Variants in CPED1 observed in about 807,000 individuals in gnomAD.
CPED1 encodes cadherin-like and PC-esterase domain-containing protein 1.
A neutral mutation model predicts 128.2 loss-of-function variants in CPED1; 114 were observed. The ratio of observed to expected loss-of-function variants is 0.89; its 90% CI spans 0.76 to 1.04. CPED1 has a LOEUF of 1.04. Ranked by LOEUF, CPED1 falls within the 50% of genes least tolerant of loss-of-function variation. The probability of loss-of-function intolerance (pLI) is 0.00; values close to 1 mark genes in which losing one functional copy is unlikely to be tolerated. For missense variants in CPED1, 1,211 were observed against 1,207.1 expected (o/e 1.00, Z -0.05); for synonymous variants, 462 against 426.7 (o/e 1.08, Z -1.02).
chr7:121,249,853 C>T (rs963833410), intron 18 of CPED1, among the ~76,000 whole-genome samples: 18 of 152,158 alleles, frequency 1.2e-4, no homozygotes, highest in Non-Finnish European at 2.1e-4. Flanking sequence ...GAGACTTAGA[C>T]TCCCACACAA....
At chr7:120,991,803 C>G (rs975533506) in intron 2 of CPED1, among the ~76,000 whole-genome samples, 5 of 152,158 alleles carry the variant, frequency 3.3e-5, no homozygotes, top group African/African-American at 1.2e-4. Flanking sequence ...AAATGATTCA[C>G]AGTCTTAAGT....
chr7:121,112,931 T>C (rs1181795427), intron 7 of CPED1, among the ~76,000 whole-genome samples: 1 of 152,146 alleles, frequency 6.6e-6, no homozygotes, highest in Non-Finnish European at 1.5e-5. Context: ...AATATTTAAA[T>C]TGGGGGCAAG....
chr7:121,120,141 T>C (rs919104804), intron 7 of CPED1, among the ~76,000 whole-genome samples: 6 of 152,230 alleles, frequency 3.9e-5, no homozygotes, highest in African/African-American at 1.4e-4. Flanking sequence ...GAGACCTGCT[T>C]TCAGTTATGC....
At chr7:121,147,195 T>C (rs1025012311) in intron 16 of CPED1, among the ~76,000 whole-genome samples, 1 of 152,142 alleles carries the variant, frequency 6.6e-6, no homozygotes, top group Non-Finnish European at 1.5e-5. Flanking sequence ...GTGTTGTATG[T>C]TGGAGAATCA....
At chr7:121,213,369 G>C (rs1584602334) in intron 16 of CPED1, among the ~76,000 whole-genome samples, 1 of 151,944 alleles carries the variant, frequency 6.6e-6, no homozygotes, top group Non-Finnish European at 1.5e-5. Flanking sequence ...AGCTGCAAAG[G>C]TTCAATGCCA....
intron 2 of CPED1, among the ~76,000 whole-genome samples, chr7:121,006,872 C>T (rs1792029212): frequency 6.6e-6 from 1 of 152,000 alleles, no homozygotes; most frequent in African/African-American, 2.4e-5. Context: ...GAAAAAGATA[C>T]TTTTTCAGAA....
chr7:121,031,444 C>T (rs1390770159), intron 3 of CPED1, among the ~76,000 whole-genome samples: 1 of 152,118 alleles, frequency 6.6e-6, no homozygotes, highest in Non-Finnish European at 1.5e-5. Flanking sequence ...CCTTCCACCA[C>T]ACCCAGCTAA....
At chr7:121,035,376 G>A (rs993576563) in intron 3 of CPED1, among the ~76,000 whole-genome samples, 2 of 152,164 alleles carry the variant, frequency 1.3e-5, no homozygotes, top group African/African-American at 4.8e-5. Flanking sequence ...TAGATTTAGA[G>A]AATGGGATAG....
intron 8 of CPED1, among the ~76,000 whole-genome samples, chr7:121,125,526 G>T (rs1460091193): frequency 6.6e-6 from 1 of 151,804 alleles, no homozygotes; most frequent in Non-Finnish European, 1.5e-5. Context: ...TGTTCTCATT[G>T]TTCAATTACC....
chr7:121,053,127 A>G (rs1044460450), intron 4 of CPED1, among the ~76,000 whole-genome samples: 6 of 152,226 alleles, frequency 3.9e-5, no homozygotes, highest in African/African-American at 1.2e-4. Context: ...TAAATCTTAC[A>G]TAACCATGGT....
At chr7:121,193,145 TG>T (rs1169376247) in intron 16 of CPED1, among the ~76,000 whole-genome samples, 2 of 152,194 alleles carry the variant, frequency 1.3e-5, no homozygotes, top group Non-Finnish European at 1.5e-5. Context: ...CATGGAATTT[TG>T]GGGTTACCCA....
intron 4 of CPED1, chr7:121,050,339 A>G (rs1793313961): frequency 6.5e-6 from 1 of 153,432 alleles, no homozygotes. Flanking sequence ...CTCAAATTCT[A>G]TACTTATCAC....
At chr7:121,107,667 ATTACAGAATAT>A (rs1436180044) in intron 7 of CPED1, among the ~76,000 whole-genome samples, 1 of 152,176 alleles carries the variant, frequency 6.6e-6, no homozygotes, top group Non-Finnish European at 1.5e-5. Flanking sequence ...GCTTAAGTTT[ATTACAGAATAT>A]TTACTCAGTG....
intron 16 of CPED1, among the ~76,000 whole-genome samples, chr7:121,196,485 G>C (rs1274542108): frequency 2.6e-5 from 4 of 152,188 alleles, no homozygotes; most frequent in African/African-American, 9.6e-5. Flanking sequence ...AAATCTATTA[G>C]AGCTTAGTTA....
chr7:121,129,288 T>TATATATATATATATACAC (rs1795589978), intron 11 of CPED1, among the ~76,000 whole-genome samples: 1 of 26,214 alleles, frequency 3.8e-5, no homozygotes, highest in South Asian at 1.4e-3. Flanking sequence ...TGTATATATG[T>TATATATATATATATACAC]ATATATATAT....
At chr7:121,188,220 G>A (rs557335488) in intron 16 of CPED1, among the ~76,000 whole-genome samples, 12 of 152,176 alleles carry the variant, frequency 7.9e-5, no homozygotes, top group Non-Finnish European at 1.3e-4. Flanking sequence ...GATAAAATAC[G>A]ATTGACCATA....
chr7:121,188,842 T>A (rs1797061562), intron 16 of CPED1, among the ~76,000 whole-genome samples: 1 of 152,142 alleles, frequency 6.6e-6, no homozygotes, highest in African/African-American at 2.4e-5. Context: ...TACGCCATTA[T>A]GTCATTGGCA....
chr7:121,209,781 C>G (rs1268135443), intron 16 of CPED1, among the ~76,000 whole-genome samples: 1 of 151,882 alleles, frequency 6.6e-6, no homozygotes, highest in African/African-American at 2.4e-5. Context: ...AAAGCTTCTG[C>G]ACAACAAAGG....
intron 5 of CPED1, among the ~76,000 whole-genome samples, chr7:121,078,135 C>T (rs530146380): frequency 6.6e-6 from 1 of 151,488 alleles, no homozygotes; most frequent in African/African-American, 2.4e-5. Flanking sequence ...AATCTCCACT[C>T]CTGAGTTCAC....
Sources: gnomAD v4.1 joint callset for allele counts (sites outside exome capture counted in the v4.1 genomes callset) on GRCh38, gnomAD v4.1.1 for gene constraint, MANE v1.5 for transcripts, NCBI Gene and HGNC (gene_info 2026-07-23, HGNC 2026-07-21) for gene names.